Variants in PRRX2 observed in about 807,000 individuals in gnomAD.
The protein encoded by PRRX2 is paired related homeobox 2.
A neutral mutation model predicts 18.0 loss-of-function variants in PRRX2; 11 were observed. The ratio of observed to expected loss-of-function variants is 0.61; its 90% CI spans 0.39 to 1.01. The LOEUF (loss-of-function observed/expected upper bound fraction) is 1.01, where lower values mean the gene tolerates loss of function less well. Ranked by LOEUF, PRRX2 falls within the 50% of genes least tolerant of loss-of-function variation. The pLI, the probability that PRRX2 is intolerant of heterozygous loss-of-function variation, is 0.01. For missense variants in PRRX2, 387 were observed against 351.0 expected, an observed-to-expected ratio of 1.10 and a Z score of -0.82; for synonymous variants, 177 against 154.8, an observed-to-expected ratio of 1.14 and a Z score of -1.06.
rs555042226 is a variant in PRRX2 at position 129,709,658 on chromosome 9, T to A, written c.260-9573T>A. 6.6e-6 allele frequency among the ~76,000 whole-genome samples: 1 copy of A among 152,326 alleles called. No individual in the cohort carries two copies. Among genetic ancestry groups the A allele is most frequent in the East Asian group, 1.9e-4 (1 of 5,180 alleles). The stretch of plus-strand genomic sequence containing the variant: ...TTCCTTCCCGGGATGTGTTTCTCCT[T>A]CTCCAGGCTGGTAGCTATAAAAATG... On this transcript the variant is annotated intron_variant, in intron 1 of 3. Coordinates refer to ENST00000372469, the MANE Select transcript of PRRX2 (RefSeq NM_016307.4). This position sits in a 1 kb window ranked among gnomAD's most constrained non-coding sequence, Gnocchi z 4.2.
chr9:129,667,758 G>A (rs1212066863), intron 1 of PRRX2, among the ~76,000 whole-genome samples: 1 of 152,156 alleles, frequency 6.6e-6, no homozygotes, highest in Non-Finnish European at 1.5e-5. Flanking sequence ...CTCTGGTGGC[G>A]GGTTTCCCCG....
chr9:129,703,259 A>G (rs1428715218), intron 1 of PRRX2, among the ~76,000 whole-genome samples: 2 of 152,080 alleles, frequency 1.3e-5, no homozygotes, highest in African/African-American at 4.8e-5. Flanking sequence ...TCGGGTAGAG[A>G]GGGGTGGCCA....
rs1832407334 is a variant in PRRX2, at chr9:129,695,289, GA to G, written c.260-23941del. Among the ~76,000 whole-genome samples the G allele has an allele frequency of 6.6e-6, 1 of 152,238 alleles. No homozygotes were observed. Among genetic ancestry groups the G allele is most frequent in the Admixed American group, 6.5e-5 (1 of 15,286 alleles). ...TAAGGGGGACAGAGGAGAGGCCATGGAGGAGAAGGAAAGGCAAGAGGACAGA... is the reference window on the plus strand; with the variant it reads ...TAAGGGGGACAGAGGAGAGGCCATGGGGAGAAGGAAAGGCAAGAGGACAGA... On this transcript the variant is annotated intron_variant, in intron 1 of 3. Transcript: ENST00000372469. This position sits in a 1 kb window ranked among gnomAD's most constrained non-coding sequence, Gnocchi z 4.8.
intron 1 of PRRX2, among the ~76,000 whole-genome samples, chr9:129,716,127 C>T (rs898822987): frequency 5.3e-5 from 8 of 152,286 alleles, no homozygotes; most frequent in East Asian, 3.9e-4. Flanking sequence ...ACCAGTTATA[C>T]GAGGGAATTT....
Position 129,666,010 on chromosome 9 carries a change from A to G in PRRX2, c.143A>G (p.Glu48Gly). The G allele has an allele frequency of 9.4e-7, 1 of 1,064,530 alleles. No individual in the cohort carries two copies. The highest frequency in any genetic ancestry group is 3.8e-5 in the South Asian group (1 of 26,574). The allele number at this position is 1,064,530 out of a possible 1,614,324, so 65.9% of individuals were successfully genotyped here. The change falls in exon 1 of 4, where the codon GAG becomes GGG. Residue 48 changes from glutamate (E) to glycine (G), a missense_variant. Physicochemically the swap from Glu to Gly is moderately conservative, Grantham distance 98. Coordinates refer to ENST00000372469, the MANE Select transcript of PRRX2 (RefSeq NM_016307.4). ...GTGAGCCACCTCCTGGACCTGGAAG[A>G]GGTGGCGGCGGCCGGGCGGCTGGCG... ...FSVSHLLDLE[E>G]VAAAGRLAAR...
chr9:129,693,236 C>T (rs544475882), intron 1 of PRRX2, among the ~76,000 whole-genome samples: 3 of 152,232 alleles, frequency 2.0e-5, no homozygotes, highest in African/African-American at 7.2e-5. Context: ...ATTTTAAAAT[C>T]AGGTTGTTTA....
intron 1 of PRRX2, among the ~76,000 whole-genome samples, chr9:129,697,315 G>T (rs539638209): frequency 6.6e-6 from 1 of 152,190 alleles, no homozygotes; most frequent in Admixed American, 6.5e-5. Flanking sequence ...GGAGCGCTGC[G>T]TCCCGCTCCC....
Position 129,716,298 on chromosome 9 carries a change from A to G in PRRX2, c.260-2933A>G, listed in dbSNP as rs528567781. Among the ~76,000 whole-genome samples the G allele has an allele frequency of 3.3e-5, 5 of 152,292 alleles. No homozygotes were observed. In the South Asian group the frequency reaches 8.3e-4, roughly 25 times the overall value. On this transcript the variant is annotated intron_variant, in intron 1 of 3. Transcript: ENST00000372469. ...GGAAACCCTCCAAATGCCCATCAAT[A>G]GGGCTCTGGTTGAATAAACACAGCA...
rs534859199 is a variant in PRRX2 at position 129,697,750 on chromosome 9, GA to G, written c.260-21480del. ...TCGGCCCTGTCCCGGGGGAGGGAAA[GA>G]TGGCTTCTCAGAAACCTGCCCCCCT... On this transcript the variant is annotated intron_variant, in intron 1 of 3. Transcript: ENST00000372469. 3.0e-4 allele frequency among the ~76,000 whole-genome samples: 46 copies of G among 152,234 alleles called. No individual in the cohort carries two copies. The South Asian group carries it at 8.9e-3, about 30-fold the overall frequency.
At chr9:129,699,080 C>T (rs1489762221) in intron 1 of PRRX2, among the ~76,000 whole-genome samples, 1 of 152,220 alleles carries the variant, frequency 6.6e-6, no homozygotes, top group Admixed American at 6.5e-5. Flanking sequence ...AAGCATTTCC[C>T]TGTGGGAGGT....
rs563719556 is a variant in PRRX2 at position 129,705,948 on chromosome 9, G to A, written c.260-13283G>A. ...ACCCAGAGGCCCCTGACCTCTTGGG[G>A]CCTCCCCGGCACCCCAGCCCACCTC... On this transcript the variant is annotated intron_variant, in intron 1 of 3. Coordinates refer to ENST00000372469, the MANE Select transcript of PRRX2 (RefSeq NM_016307.4). Among the ~76,000 whole-genome samples the A allele has an allele frequency of 1.2e-3, 178 of 151,876 alleles. No homozygotes were observed. In the Middle Eastern group the frequency reaches 0.014, roughly 12 times the overall value.
chr9:129,719,383 G>T lies in PRRX2; in HGVS notation c.412G>T (p.Ala138Ser), dbSNP rs1267125624. The change falls in exon 2 of 4, where the codon GCC (alanine) becomes TCC (serine). Residue 138 changes from alanine to serine, a missense_variant. Coordinates refer to ENST00000372469, the MANE Select transcript of PRRX2 (RefSeq NM_016307.4). ...CGACGCCTTTGTGCGCGAGGAGCTTGCCCGGCGCGTCAACCTCAGCGAGGC... is the reference window on the plus strand; with the variant it reads ...CGACGCCTTTGTGCGCGAGGAGCTTTCCCGGCGCGTCAACCTCAGCGAGGC... ...YPDAFVREELARRVNLSEARV... is the reference protein window; with the variant it reads ...YPDAFVREELSRRVNLSEARV... 6 of 1,554,254 alleles carry T rather than the reference G, an allele frequency of 3.9e-6. No individual in the cohort carries two copies. Among genetic ancestry groups the T allele is most frequent in the African/African-American group, 1.4e-5 (1 of 73,364 alleles).
At chr9:129,706,024 G>T (rs35177314) in intron 1 of PRRX2, among the ~76,000 whole-genome samples, 44,291 of 151,920 alleles carry the variant, frequency 0.29, 7,924 homozygotes, top group East Asian at 0.56. Context: ...AGAGACTCAG[G>T]AGATATCCTT....
chr9:129,711,412 T>C (rs1832617605), intron 1 of PRRX2, among the ~76,000 whole-genome samples: 1 of 146,068 alleles, frequency 6.8e-6, no homozygotes, highest in Non-Finnish European at 1.5e-5. Flanking sequence ...TTTTTTTTTT[T>C]TTTTTTTTTT....
chr9:129,679,297 T>C (rs927414657), intron 1 of PRRX2, among the ~76,000 whole-genome samples: 1 of 151,560 alleles, frequency 6.6e-6, no homozygotes, highest in Non-Finnish European at 1.5e-5. Flanking sequence ...ATGGAGGGAG[T>C]CCGGGGTGCT....
In PRRX2 at chr9:129,722,568, T is replaced by C. The variant is rs555876693; in HGVS notation, c.*216T>C. 11 of 443,610 alleles carry C rather than the reference T, an allele frequency of 2.5e-5. No individual in the cohort carries two copies. In the South Asian group the frequency reaches 3.8e-4, roughly 15 times the overall value. 27.5% of individuals were successfully genotyped at this position (443,610 alleles called of 1,614,324 possible). A position where few individuals can be genotyped will look rare whatever the true frequency, so the allele number is the denominator to read the frequency against. On this transcript the variant is annotated 3_prime_UTR_variant, in exon 4 of 4. Transcript: ENST00000372469. ...CTGCAGCCCACAACCCTTGGAGGGG[T>C]TGGGCCGGAAGGTGGAAGAGCCTGC...
intron 1 of PRRX2, among the ~76,000 whole-genome samples, chr9:129,696,768 AC>A (rs369175420): frequency 6.0e-4 from 91 of 151,968 alleles, no homozygotes; most frequent in African/African-American, 2.0e-3. Flanking sequence ...GGGTGGGAGG[AC>A]CCTCGCTAAG....
At chr9:129,680,159 T>C (rs961622480) in intron 1 of PRRX2, among the ~76,000 whole-genome samples, 1 of 151,936 alleles carries the variant, frequency 6.6e-6, no homozygotes, top group Non-Finnish European at 1.5e-5. Context: ...CTCAGCACTT[T>C]GGGAGGCTGA....
At chr9:129,684,444 ACACACACACACACACC>A (rs1001981252) in intron 1 of PRRX2, among the ~76,000 whole-genome samples, 3 of 148,696 alleles carry the variant, frequency 2.0e-5, no homozygotes, top group Admixed American at 6.7e-5. Context: ...ACACACACAC[ACACACACACACACACC>A]CAACAGAAAA....
Sources: allele counts gnomAD v4.1 joint callset (sites outside exome capture counted in the v4.1 genomes callset), GRCh38; gene constraint gnomAD v4.1.1; non-coding constraint Gnocchi (gnomAD v3.1); transcripts MANE v1.5; gene names NCBI Gene and HGNC (gene_info 2026-07-23, HGNC 2026-07-21).